ANKRD27: variants seen among roughly 807,000 people sequenced by gnomAD.
ANKRD27 encodes ankyrin repeat domain-containing protein 27.
A neutral mutation model predicts 129.7 loss-of-function variants in ANKRD27; 112 were observed. The ratio of observed to expected loss-of-function variants is 0.86; its 90% confidence interval spans 0.74 to 1.01. The LOEUF (loss-of-function observed/expected upper bound fraction) is 1.01, where lower values mean the gene tolerates loss of function less well. ANKRD27 is among the 50% of genes least tolerant of loss of function. The pLI is 0.00. For missense variants in ANKRD27, 1,258 were observed against 1,300.5 expected, an observed-to-expected ratio of 0.97 and a Z score of 0.50; for synonymous variants, 516 against 511.2, an observed-to-expected ratio of 1.01 and a Z score of -0.13.
chr19:32,664,750 C>T (rs1391663627), intron 1 of ANKRD27, among the ~76,000 whole-genome samples: 2 of 150,714 alleles, frequency 1.3e-5, no homozygotes, highest in South Asian at 2.1e-4. Flanking sequence ...CTTGAGTCCA[C>T]GAGTTCGAGA....
chr19:32,643,287 C>T lies in ANKRD27; in HGVS notation c.705G>A (p.Glu235=), dbSNP rs1430733230. Residue 235 remains glutamate, a splice_region_variant and synonymous_variant, in exon 8 of 29, where the codon GAG becomes GAA. Transcript: ENST00000306065. ...FKYVGTMEAS[E]DAAFNKITRS... Reference sequence around the variant, plus strand: ...TGGGTGATAATAACTGAGAACCTACCTCACTTGCCTCCATGGTCCCCACGT... The same window carrying T: ...TGGGTGATAATAACTGAGAACCTACTTCACTTGCCTCCATGGTCCCCACGT... 6.2e-7 allele frequency: 1 copy of T among 1,614,044 alleles called. No homozygotes were observed. The highest frequency in any genetic ancestry group is 1.1e-5 in the South Asian group (1 of 91,074).
In ANKRD27 at chr19:32,643,562, T is replaced by C. The variant is rs1367358258; in HGVS notation, c.585+10A>G. 1 of 1,614,050 alleles carries C rather than the reference T, an allele frequency of 6.2e-7. No individual in the cohort carries two copies. The highest frequency in any genetic ancestry group is 1.1e-5 in the South Asian group (1 of 91,070). ...CCACAATTCTCCCTCTCAGAAGTCC[T>C]GCTGCTTACCAGGTGAGAGTCCCTC... On this transcript the variant is annotated intron_variant, in intron 6 of 28. Transcript: ENST00000306065.
chr19:32,610,716 C>T (rs192409487), intron 22 of ANKRD27, among the ~76,000 whole-genome samples: 165 of 152,172 alleles, frequency 1.1e-3, no homozygotes, highest in Admixed American at 2.6e-3. Flanking sequence ...GTCTTGAACC[C>T]GAGAGGCAGA....
chr19:32,649,159 G>A (rs1967361554), intron 3 of ANKRD27, among the ~76,000 whole-genome samples: 1 of 151,986 alleles, frequency 6.6e-6, no homozygotes, highest in African/African-American at 2.4e-5. Flanking sequence ...TTTTGGCAGA[G>A]ATGGGGTCTC....
rs778113626 is a variant in ANKRD27, at chr19:32,644,382, G to A, written c.468C>T (p.Ile156=). ...CTCGGAATGTTCGATGGAAAGAGGCGATGTTCCTGTCAAATCGCTCGGAGT... is the reference window on the plus strand; with the variant it reads ...CTCGGAATGTTCGATGGAAAGAGGCAATGTTCCTGTCAAATCGCTCGGAGT... The part of the protein sequence containing the change: ...GRHSERFDRN[I]ASFHRTFREC... The change falls in exon 5 of 29, where the codon ATC becomes ATT. Residue 156 remains isoleucine, a synonymous_variant. Transcript: ENST00000306065. 2.5e-5 allele frequency: 40 copies of A among 1,613,892 alleles called. No individual in the cohort carries two copies. Among genetic ancestry groups the A allele is most frequent in the Admixed American group, 8.3e-5 (5 of 59,980 alleles).
chr19:32,616,617 T>G (rs1008992356), intron 21 of ANKRD27, among the ~76,000 whole-genome samples: 3 of 151,010 alleles, frequency 2.0e-5, no homozygotes, highest in Non-Finnish European at 4.4e-5. Context: ...CAGGGGAACC[T>G]GTCCGTCAGA....
At chr19:32,631,220 T>C (rs1966986387) in intron 13 of ANKRD27, among the ~76,000 whole-genome samples, 182 bp downstream of exon 13, 1 of 152,022 alleles carries the variant, frequency 6.6e-6, no homozygotes, top group Non-Finnish European at 1.5e-5. Flanking sequence ...TGTTGCACCA[T>C]GTTGGCCACA....
At chr19:32,600,255 A>T (rs1971632142) in intron 26 of ANKRD27, 2 of 451,672 alleles carry the variant, frequency 4.4e-6, no homozygotes, top group Non-Finnish European at 8.1e-6. Flanking sequence ...CTAAAATGCC[A>T]CAGGCTGGGT....
chr19:32,643,468 T>C lies in ANKRD27; in HGVS notation c.602A>G (p.Gln201Arg), dbSNP rs767178780. 8.1e-6 allele frequency: 13 copies of C among 1,613,720 alleles called. No homozygotes were observed. The highest frequency in any genetic ancestry group is 1.6e-4 in the Middle Eastern group (1 of 6,084). The change falls in exon 7 of 29, where the codon CAG (glutamine) becomes CGG (arginine). Residue 201 changes from glutamine to arginine, a missense_variant. Transcript: ENST00000306065. ...RDSHLKMLAK[Q>R]EAQMNLMKQA... ...CTTCATCAGGTTCATCTGGGCCTCC[T>C]GCTTGGCGAGCATTTTCTAGAGGGC...
rs200434063 is a variant in ANKRD27 at position 32,597,921 on chromosome 19, C to CTGTT, written c.*220_*223dup. 24 of 574,370 alleles carry CTGTT rather than the reference C, an allele frequency of 4.2e-5. 1 individual carries two copies. The highest frequency in any genetic ancestry group is 3.4e-4 in the African/African-American group (18 of 53,610). The allele number at this position is 574,370 out of a possible 1,614,324, so 35.6% of individuals were successfully genotyped here. On this transcript the variant is annotated 3_prime_UTR_variant, in exon 29 of 29. Coordinates refer to ENST00000306065, the MANE Select transcript of ANKRD27 (RefSeq NM_032139.3). ...ATCTGGATGCTACTGGAATTTTTGT[C>CTGTT]TGTTTCAATTGTATTCATTAGCTTT...
chr19:32,637,555 A>C (rs1967114332), intron 12 of ANKRD27: 1 of 152,304 alleles, frequency 6.6e-6, no homozygotes, highest in Middle Eastern at 3.1e-3. Flanking sequence ...CAAAGACGTA[A>C]GCTGCAGTGG....
intron 17 of ANKRD27, among the ~76,000 whole-genome samples, chr19:32,623,771 G>C (rs923040006): frequency 6.6e-6 from 1 of 151,856 alleles, no homozygotes; most frequent in African/African-American, 2.4e-5. Flanking sequence ...GGCTGGTCTT[G>C]AACTCCTGAC....
chr19:32,621,544 C>T (rs539378897), intron 18 of ANKRD27, among the ~76,000 whole-genome samples: 5 of 152,228 alleles, frequency 3.3e-5, no homozygotes, highest in African/African-American at 1.2e-4. Flanking sequence ...AGGAGAATCA[C>T]TTGAACCTAG....
In ANKRD27 at chr19:32,607,716, C is replaced by A; in HGVS notation, c.2292G>T (p.Leu764=). 6.2e-7 allele frequency: 1 copy of A among 1,613,196 alleles called. No individual in the cohort carries two copies. Among genetic ancestry groups the A allele is most frequent in the Non-Finnish European group, 8.5e-7 (1 of 1,179,716 alleles). ...TGGCACCTGCGTTGGCCCCGTGCTT[C>A]AGCAGGAGGGGGATGAGGTCCGCCC... The part of the protein sequence containing the change: ...HGRADLIPLL[L]KHGANAGARN... The change falls in exon 23 of 29, where the codon CTG becomes CTT. Residue 764 remains leucine (L), a synonymous_variant. Transcript: ENST00000306065.
chr19:32,644,680 A>G (rs997274745), intron 4 of ANKRD27, among the ~76,000 whole-genome samples: 1 of 152,234 alleles, frequency 6.6e-6, no homozygotes, highest in Non-Finnish European at 1.5e-5. Flanking sequence ...GACAAAACCA[A>G]ACTATCTGGG....
At chr19:32,640,449 A>T in intron 10 of ANKRD27, 64 bp from the exon 11 acceptor site, 1 of 1,339,748 alleles carries the variant, frequency 7.5e-7, no homozygotes, top group South Asian at 1.2e-5. Flanking sequence ...AAGCATATCA[A>T]CTCCCTACCA....
At chr19:32,658,054 C>T (rs1202029506) in intron 2 of ANKRD27, among the ~76,000 whole-genome samples, 3 of 152,192 alleles carry the variant, frequency 2.0e-5, no homozygotes, top group Non-Finnish European at 4.4e-5. Context: ...CCTGAAGCCA[C>T]ACTCAGCTAA....
intron 1 of ANKRD27, among the ~76,000 whole-genome samples, chr19:32,664,055 C>CAAAAAAAAA (rs869264224): frequency 6.4e-5 from 2 of 31,406 alleles, no homozygotes; most frequent in African/African-American, 1.0e-4. Flanking sequence ...GACTCTGTCT[C>CAAAAAAAAA]AAAAAAAAAA....
chr19:32,613,203 T>G (rs1025214578), intron 22 of ANKRD27, among the ~76,000 whole-genome samples: 1 of 151,992 alleles, frequency 6.6e-6, no homozygotes, highest in Admixed American at 6.5e-5. Flanking sequence ...ATTAGAGAAA[T>G]GCAAATTAAG....
Sources: gnomAD v4.1 joint callset for allele counts (sites outside exome capture counted in the v4.1 genomes callset) on GRCh38, gnomAD v4.1.1 for gene constraint, MANE v1.5 for transcripts, NCBI Gene and HGNC (gene_info 2026-07-23, HGNC 2026-07-21) for gene names.